ABCC8: variants seen among roughly 807,000 people sequenced by gnomAD.
ABCC8 encodes ATP-binding cassette sub-family C member 8.
ABCC8 carries 137 observed loss-of-function variants against 188.0 expected under a neutral mutation model. The observed-to-expected ratio is 0.73, with a 90% CI of 0.63 to 0.84. The LOEUF is 0.84. ABCC8 is among the 40% of genes least tolerant of loss of function. The pLI is 0.00. For synonymous variants in ABCC8, 797 were observed against 846.5 expected (o/e 0.94, Z 1.01); for missense variants, 1,750 against 2,072.7 (o/e 0.84, Z 3.02).
At chr11:17,437,534 G>A (rs115916498) in intron 10 of ABCC8, among the ~76,000 whole-genome samples, 113 of 152,376 alleles carry the variant, frequency 7.4e-4, no homozygotes, top group African/African-American at 2.6e-3. Flanking sequence ...ATCTGCAGGA[G>A]GGGAAGTGCA....
intron 6 of ABCC8, among the ~76,000 whole-genome samples, chr11:17,457,589 G>T (rs1957040727): frequency 6.6e-6 from 1 of 152,186 alleles, no homozygotes; most frequent in African/African-American, 2.4e-5. Flanking sequence ...GTGACAGATT[G>T]GGAGTAGGGG....
Position 17,407,042 on chromosome 11 carries a change from T to A in ABCC8, c.3008A>T (p.Tyr1003Phe). Residue 1003 changes from tyrosine to phenylalanine, a missense_variant, in exon 25 of 39, where the codon TAC becomes TTC. Physicochemically the swap from Tyr to Phe is conservative, Grantham distance 22. Coordinates refer to ENST00000389817, the MANE Select transcript of ABCC8 (RefSeq NM_000352.6). ...GAGCAGGATGCCGGCGGAGGACAGG[T>A]ACTTGGCGCAGGCTCGCCATGGGAT... ...AEIPWRACAKYLSSAGILLLS... is the reference protein window; with the variant it reads ...AEIPWRACAKFLSSAGILLLS... 6 of 1,614,068 alleles carry A rather than the reference T, an allele frequency of 3.7e-6. No individual in the cohort carries two copies. Among genetic ancestry groups the A allele is most frequent in the Non-Finnish European group, 5.1e-6 (6 of 1,180,032 alleles).
intron 29 of ABCC8, 105 bp from the exon 30 acceptor site, chr11:17,398,546 G>C: frequency 6.4e-7 from 1 of 1,565,462 alleles, no homozygotes; most frequent in Non-Finnish European, 8.7e-7. Flanking sequence ...CCAGTCCCCA[G>C]ACATGCCACC....
chr11:17,453,024 T>A (rs572581507), intron 7 of ABCC8, 95 bp downstream of exon 7: 1 of 1,175,534 alleles, frequency 8.5e-7, no homozygotes, highest in African/African-American at 1.5e-5. Context: ...TACAGCAGAA[T>A]TATTCTTGAG....
intron 10 of ABCC8, among the ~76,000 whole-genome samples, chr11:17,433,236 C>CATCT (rs1274898102): frequency 6.6e-6 from 1 of 152,196 alleles, no homozygotes; most frequent in African/African-American, 2.4e-5. Context: ...GCCACCTTCC[C>CATCT]ATCTATCCTC....
intron 7 of ABCC8, among the ~76,000 whole-genome samples, chr11:17,452,690 A>C (rs1362578898): frequency 6.6e-6 from 1 of 152,226 alleles, no homozygotes; most frequent in Non-Finnish European, 1.5e-5. Flanking sequence ...CTTAGAGGCT[A>C]TCTAGACCTT....
chr11:17,469,980 T>G (rs900499262), intron 3 of ABCC8, 121 bp downstream of exon 3: 45 of 1,311,292 alleles, frequency 3.4e-5, no homozygotes, highest in Non-Finnish European at 4.8e-5. Flanking sequence ...AGGGATTTTT[T>G]TCTTTTTCTA....
chr11:17,431,036 G>C (rs1591805350), intron 11 of ABCC8, 77 bp from the exon 12 acceptor site: 5 of 1,575,638 alleles, frequency 3.2e-6, no homozygotes, highest in Non-Finnish European at 4.3e-6. Context: ...CTCAGCACTG[G>C]AAGGGAAATG....
chr11:17,394,326 G>A lies in ABCC8; in HGVS notation c.4485C>T (p.Phe1495=), dbSNP rs267602801. ...QRQLFCLARA[F]VRKTSIFIMD... ...TGATGAAGATGCTGGTCTTCCTCAC[G>A]AAGGCCCGGGCCAGGCAGAACAGCT... The change falls in exon 37 of 39, where the codon TTC becomes TTT. Residue 1495 remains phenylalanine (F), a synonymous_variant. Coordinates refer to ENST00000389817, the MANE Select transcript of ABCC8 (RefSeq NM_000352.6). 40 of 1,613,924 alleles carry A rather than the reference G, an allele frequency of 2.5e-5. No homozygotes were observed. The highest frequency in any genetic ancestry group is 9.3e-5 in the African/African-American group (7 of 74,932).
At chr11:17,461,988 T>G (rs1367972211) in intron 4 of ABCC8, 163 bp from the exon 5 acceptor site, 1 of 840,368 alleles carries the variant, frequency 1.2e-6, no homozygotes, top group Non-Finnish European at 1.4e-6. Flanking sequence ...TCCCCAACAC[T>G]TCTTGGCCAC....
At chr11:17,405,710 G>GT (rs762586244) in intron 26 of ABCC8, 147 bp from the exon 27 acceptor site, 72 of 1,480,816 alleles carry the variant, frequency 4.9e-5, no homozygotes, top group Non-Finnish European at 6.3e-5. Context: ...CATCTGGCCT[G>GT]TATCCCCGTG....
chr11:17,457,331 A>T (rs1957032467), intron 6 of ABCC8, among the ~76,000 whole-genome samples: 1 of 152,198 alleles, frequency 6.6e-6, no homozygotes, highest in African/African-American at 2.4e-5. Context: ...CAGAACACAC[A>T]TATAGAACCA....
intron 10 of ABCC8, chr11:17,435,854 G>T: frequency 8.1e-7 from 1 of 1,237,986 alleles, no homozygotes; most frequent in Non-Finnish European, 1.2e-6. Context: ...ATCAGTGCTG[G>T]CCCCGGACAC....
chr11:17,443,362 C>T (rs1956400107), intron 8 of ABCC8, 50 bp from the exon 9 acceptor site: 2 of 1,612,902 alleles, frequency 1.2e-6, no homozygotes, highest in South Asian at 1.1e-5. Flanking sequence ...GGTTGCCCTG[C>T]CAGGAGGTGC....
chr11:17,450,250 TTCTTTCTTTC>T (rs71047552), intron 7 of ABCC8, among the ~76,000 whole-genome samples: 13,246 of 69,238 alleles, frequency 0.19, 1,707 homozygotes, highest in Non-Finnish European at 0.21. Context: ...TTCTTTTTCT[TTCTTTCTTTC>T]TCTTTCTTTC....
At chr11:17,432,320 G>C in intron 10 of ABCC8, 76 bp from the exon 11 acceptor site, 1 of 1,551,264 alleles carries the variant, frequency 6.4e-7, no homozygotes, top group Non-Finnish European at 8.7e-7. Flanking sequence ...GGATGGCTTG[G>C]AGGCAGCGCA....
intron 6 of ABCC8, among the ~76,000 whole-genome samples, chr11:17,457,723 A>G (rs1330811286): frequency 6.6e-6 from 1 of 152,328 alleles, no homozygotes; most frequent in African/African-American, 2.4e-5. Context: ...AGTCACAGAC[A>G]CTTTCAGTAA....
At chr11:17,432,066 T>C in intron 11 of ABCC8, 138 bp downstream of exon 11, 1 of 1,226,982 alleles carries the variant, frequency 8.2e-7, no homozygotes, top group Non-Finnish European at 1.1e-6. Flanking sequence ...CTATAAACTT[T>C]CGATCCTATT....
chr11:17,436,074 T>A (rs1956083893), intron 10 of ABCC8: 7 of 929,022 alleles, frequency 7.5e-6, no homozygotes, highest in African/African-American at 1.6e-5. Context: ...GCTCCATCTC[T>A]TCTTTGGCTG....
Sources: allele counts gnomAD v4.1 joint callset (sites outside exome capture counted in the v4.1 genomes callset), GRCh38; gene constraint gnomAD v4.1.1; transcripts MANE v1.5; gene names NCBI Gene and HGNC (gene_info 2026-07-23, HGNC 2026-07-21).